PTPRJ: variants seen among roughly 807,000 people sequenced by gnomAD.
The protein encoded by PTPRJ is receptor-type tyrosine-protein phosphatase eta.
Under a neutral mutation model 141.3 loss-of-function variants are expected in PTPRJ, and 129 were observed. The observed-to-expected ratio is 0.91, with a 90% CI of 0.79 to 1.06. PTPRJ has a LOEUF of 1.06. Ranked by LOEUF, PTPRJ falls within the 50% of genes least tolerant of loss-of-function variation. PTPRJ has a pLI of 0.00. For synonymous variants in PTPRJ, 610 were observed against 640.5 expected (o/e 0.95, Z 0.72); for missense variants, 1,601 against 1,679.7 (o/e 0.95, Z 0.82).
At chr11:48,071,120 G>A (rs1191163191) in intron 1 of PTPRJ, among the ~76,000 whole-genome samples, 1 of 152,152 alleles carries the variant, frequency 6.6e-6, no homozygotes, top group Non-Finnish European at 1.5e-5. Flanking sequence ...CTACAGATGA[G>A]TGAAAAGAAG....
At position 48,090,712 on chromosome 11, in the gene PTPRJ, G is replaced by A. The variant is rs1489074650; in HGVS notation, c.97-19346G>A. ...ACATTTTCCCAATTCGCTTAAATTC[G>A]AGAGGCCAGGAGTGTACCTTTCCCT... On this transcript the variant is annotated intron_variant, in intron 1 of 24. Coordinates refer to ENST00000418331, the MANE Select transcript of PTPRJ (RefSeq NM_002843.4). Among the ~76,000 whole-genome samples, 6 of 152,168 alleles carry A rather than the reference G, an allele frequency of 3.9e-5. No individual in the cohort carries two copies. In the East Asian group the frequency reaches 7.7e-4, roughly 20 times the overall value.
chr11:48,162,679 C>T (rs1184943124), intron 22 of PTPRJ, among the ~76,000 whole-genome samples: 4 of 152,148 alleles, frequency 2.6e-5, no homozygotes, highest in East Asian at 1.9e-4. Context: ...CACATGGGTA[C>T]GGATGTAGGT....
chr11:48,065,739 C>T (rs1855066550), intron 1 of PTPRJ, among the ~76,000 whole-genome samples: 1 of 152,198 alleles, frequency 6.6e-6, no homozygotes, highest in African/African-American at 2.4e-5. Context: ...TACTAACCCA[C>T]CCCAACCATC....
chr11:48,114,409 G>A (rs1466235283), intron 3 of PTPRJ, among the ~76,000 whole-genome samples: 6 of 107,814 alleles, frequency 5.6e-5, no homozygotes, highest in South Asian at 3.4e-4. Flanking sequence ...CTGCACTCCC[G>A]ACAGAGTGAG....
intron 18 of PTPRJ, among the ~76,000 whole-genome samples, chr11:48,153,462 C>A (rs1053275603): frequency 7.2e-6 from 1 of 139,016 alleles, no homozygotes; most frequent in Admixed American, 7.6e-5. Context: ...CACTGCACTC[C>A]AGCCTGGGCG....
chr11:48,057,645 C>A (rs574058030), intron 1 of PTPRJ, among the ~76,000 whole-genome samples: 1 of 152,142 alleles, frequency 6.6e-6, no homozygotes, highest in African/African-American at 2.4e-5. Context: ...AGAAATCACT[C>A]CTGAGCCCTG....
At chr11:48,120,707 G>A (rs1051466944) in intron 3 of PTPRJ, among the ~76,000 whole-genome samples, 12 of 152,018 alleles carry the variant, frequency 7.9e-5, no homozygotes, top group African/African-American at 2.9e-4. Context: ...CTAAAGTTTG[G>A]TCTCTTTTTG....
chr11:47,990,934 C>T (rs1854177186), intron 1 of PTPRJ, among the ~76,000 whole-genome samples: 1 of 152,074 alleles, frequency 6.6e-6, no homozygotes, highest in Admixed American at 6.6e-5. Flanking sequence ...CCGCCTCAGC[C>T]TCCCAAAGTG....
chr11:47,994,965 T>TGAA (rs1312401073), intron 1 of PTPRJ, among the ~76,000 whole-genome samples: 1 of 152,212 alleles, frequency 6.6e-6, no homozygotes, highest in African/African-American at 2.4e-5. Context: ...GGTCAATGTA[T>TGAA]GGCAATCTGT....
intron 1 of PTPRJ, among the ~76,000 whole-genome samples, chr11:48,105,946 G>T (rs1449983818): frequency 6.6e-6 from 1 of 152,038 alleles, no homozygotes; most frequent in African/African-American, 2.4e-5. Context: ...CAGGATTCTT[G>T]CCCATCCCTT....
chr11:48,168,532 G>GTATATATATATATA lies in PTPRJ; in HGVS notation c.*1171_*1172insATATATATATATAT, dbSNP rs1555061195. 12 of 43,914 alleles carry GTATATATATATATA rather than the reference G, an allele frequency of 2.7e-4. 4 individuals are homozygous for GTATATATATATATA. The highest frequency in any genetic ancestry group is 7.6e-4 in the South Asian group (1 of 1,318). The allele number at this position is 43,914 out of a possible 1,614,324, so 2.7% of individuals were successfully genotyped here. Reference sequence around the variant, plus strand: ...GCCGTGACACATATCGGAATCTACTGTGTATATATATATATATATATATAT... The same window carrying GTATATATATATATA: ...GCCGTGACACATATCGGAATCTACTGTATATATATATATATGTATATATATATATATATATATAT... On this transcript the variant is annotated 3_prime_UTR_variant, in exon 25 of 25. Transcript: ENST00000418331.
At chr11:48,141,192 TA>T (rs202038002) in intron 11 of PTPRJ, among the ~76,000 whole-genome samples, 4 of 152,090 alleles carry the variant, frequency 2.6e-5, no homozygotes, top group Non-Finnish European at 2.9e-5. Context: ...TAAAAATATA[TA>T]AAAAAAATGG....
chr11:47,995,469 T>C (rs774239151), intron 1 of PTPRJ, among the ~76,000 whole-genome samples: 3 of 152,188 alleles, frequency 2.0e-5, no homozygotes, highest in African/African-American at 7.2e-5. Context: ...GTGGGAAGGC[T>C]GTCTTTCTGT....
At chr11:48,012,534 C>G (rs1431086314) in intron 1 of PTPRJ, among the ~76,000 whole-genome samples, 1 of 152,056 alleles carries the variant, frequency 6.6e-6, no homozygotes, top group Non-Finnish European at 1.5e-5. Flanking sequence ...CTGTCTTTTA[C>G]ACAGCAAGTG....
chr11:47,987,443 G>A (rs1854079976), intron 1 of PTPRJ, among the ~76,000 whole-genome samples: 2 of 152,228 alleles, frequency 1.3e-5, no homozygotes, highest in African/African-American at 2.4e-5. Context: ...CTGGGGGACA[G>A]GCACTGAGCA....
intron 5 of PTPRJ, among the ~76,000 whole-genome samples, chr11:48,124,590 G>A (rs976860935): frequency 6.6e-6 from 1 of 152,166 alleles, no homozygotes; most frequent in Non-Finnish European, 1.5e-5. Context: ...ACCAACCAGG[G>A]TCTGGTCCAG....
intron 1 of PTPRJ, among the ~76,000 whole-genome samples, chr11:48,013,122 AAG>A (rs1225471941): frequency 6.6e-6 from 1 of 150,786 alleles, no homozygotes; most frequent in Non-Finnish European, 1.5e-5. Flanking sequence ...AAAAAAAAAA[AAG>A]GTTCCATTCA....
At chr11:48,111,928 C>T (rs1355331194) in intron 2 of PTPRJ, among the ~76,000 whole-genome samples, 2 of 152,000 alleles carry the variant, frequency 1.3e-5, no homozygotes, top group Non-Finnish European at 2.9e-5. Context: ...GGCTGCAGAA[C>T]TGACCCCCTA....
chr11:48,082,566 A>AT lies in PTPRJ; in HGVS notation c.97-27482dup, dbSNP rs112929654. Among the ~76,000 whole-genome samples, 685 of 134,998 alleles carry AT rather than the reference A, an allele frequency of 5.1e-3. 8 individuals are homozygous for AT. The highest frequency in any genetic ancestry group is 0.017 in the African/African-American group (625 of 36,530). The allele number at this position is 134,998 out of a possible 152,430, so 88.6% of individuals were successfully genotyped here. A position where few individuals can be genotyped will look rare whatever the true frequency, so the allele number is the denominator to read the frequency against. ...AGCCTCCTTAATTTTTTATTTATTT[A>AT]TTTTTTTTTTGTAGAGACAGGGTCT... is the stretch of plus-strand genomic sequence containing the variant. On this transcript the variant is annotated intron_variant, in intron 1 of 24. Transcript: ENST00000418331.
Sources: allele counts gnomAD v4.1 joint callset (sites outside exome capture counted in the v4.1 genomes callset), GRCh38; gene constraint gnomAD v4.1.1; transcripts MANE v1.5; gene names NCBI Gene and HGNC (gene_info 2026-07-23, HGNC 2026-07-21).